The following SYNPR variants were observed in gnomAD, a reference collection of about 807,000 sequenced individuals.
SYNPR encodes synaptoporin.
In SYNPR, 23 loss-of-function variants were observed where a neutral mutation model predicts 32.9. The observed-to-expected ratio is 0.70, with a 90% CI of 0.50 to 0.99. The LOEUF is 0.99. Ranked by LOEUF, SYNPR falls within the 50% of genes least tolerant of loss-of-function variation. The probability of loss-of-function intolerance (pLI) is 0.00; values close to 1 mark genes in which losing one functional copy is unlikely to be tolerated. For missense variants in SYNPR, 318 were observed against 349.3 expected, an observed-to-expected ratio of 0.91 and a Z score of 0.71; for synonymous variants, 146 against 135.9, an observed-to-expected ratio of 1.07 and a Z score of -0.52.
chr3:63,390,357 T>C (rs149978424), intron 2 of SYNPR, among the ~76,000 whole-genome samples: 1 of 152,278 alleles, frequency 6.6e-6, no homozygotes, highest in Non-Finnish European at 1.5e-5. Flanking sequence ...GAGGAATGAA[T>C]GTGAAATTCA....
chr3:63,231,058 G>A (rs1374134999), intron 1 of SYNPR, among the ~76,000 whole-genome samples: 1 of 152,176 alleles, frequency 6.6e-6, no homozygotes, highest in Non-Finnish European at 1.5e-5. Flanking sequence ...CATGTTTGTA[G>A]CAGTACAATT....
chr3:63,555,481 C>A (rs912911822), intron 3 of SYNPR, among the ~76,000 whole-genome samples: 1 of 151,922 alleles, frequency 6.6e-6, no homozygotes, highest in Non-Finnish European at 1.5e-5. Flanking sequence ...CGACTTAGTT[C>A]CAGTTCACAC....
chr3:63,606,439 T>TTTTTTTTTTTTTTTTTTTTTC (rs1553651989), intron 4 of SYNPR, among the ~76,000 whole-genome samples: 1 of 145,934 alleles, frequency 6.9e-6, no homozygotes, highest in Non-Finnish European at 1.5e-5. Context: ...TTTTTTTTTT[T>TTTTTTTTTTTTTTTTTTTTTC]AGCAATGAGA....
At chr3:63,255,905 G>A (rs2086378056) in intron 2 of SYNPR, among the ~76,000 whole-genome samples, 1 of 152,226 alleles carries the variant, frequency 6.6e-6, no homozygotes, top group African/African-American at 2.4e-5. Flanking sequence ...TTAGCAAACG[G>A]CACACCAGGA....
chr3:63,592,798 C>G (rs994270860), intron 4 of SYNPR, among the ~76,000 whole-genome samples: 4 of 151,998 alleles, frequency 2.6e-5, no homozygotes, highest in African/African-American at 9.7e-5. Flanking sequence ...GTATTTTTAG[C>G]TATAATATGT....
chr3:63,358,605 T>C (rs1168703398), intron 2 of SYNPR, among the ~76,000 whole-genome samples: 3 of 144,468 alleles, frequency 2.1e-5, no homozygotes, highest in South Asian at 4.6e-4. Flanking sequence ...GCTATTATTC[T>C]ATATATCCTC....
intron 2 of SYNPR, among the ~76,000 whole-genome samples, chr3:63,365,548 T>A (rs1004327130): frequency 1.3e-5 from 2 of 152,178 alleles, no homozygotes; most frequent in Non-Finnish European, 2.9e-5. Context: ...GAAGAATTAC[T>A]GACAAGAATT....
chr3:63,614,247 T>C (rs1310550425), intron 5 of SYNPR, among the ~76,000 whole-genome samples: 1 of 152,208 alleles, frequency 6.6e-6, no homozygotes, highest in Non-Finnish European at 1.5e-5. Context: ...CTGTCTCCAT[T>C]AGGGGGCTGT....
intron 1 of SYNPR, among the ~76,000 whole-genome samples, chr3:63,238,797 C>G (rs2086216741): frequency 6.6e-6 from 1 of 151,978 alleles, no homozygotes; most frequent in African/African-American, 2.4e-5. Flanking sequence ...TTTCAGAGAG[C>G]TAGTAAGTGA....
intron 2 of SYNPR, among the ~76,000 whole-genome samples, chr3:63,408,325 AAAGAAAGAAAGAAAGAAAGAAAGAAAG>A (rs2088413035): frequency 7.9e-6 from 1 of 127,144 alleles, no homozygotes. Flanking sequence ...GGAAGGAAAG[AAAGAAAGAAAGAAAGAAAGAAAGAAAG>A]AAAGAAAGAA....
chr3:63,287,366 T>C (rs2086695363), intron 2 of SYNPR, among the ~76,000 whole-genome samples: 1 of 152,148 alleles, frequency 6.6e-6, no homozygotes, highest in Non-Finnish European at 1.5e-5. Context: ...TGAATTCTTC[T>C]TCTCCCTTCA....
chr3:63,333,610 G>C (rs1028471437), intron 2 of SYNPR, among the ~76,000 whole-genome samples: 5 of 151,964 alleles, frequency 3.3e-5, no homozygotes, highest in African/African-American at 9.7e-5. Flanking sequence ...AGAGATGGGA[G>C]TCTTCCTATG....
At chr3:63,473,455 A>G (rs1052855999) in intron 2 of SYNPR, among the ~76,000 whole-genome samples, 2 of 152,212 alleles carry the variant, frequency 1.3e-5, no homozygotes, top group Non-Finnish European at 2.9e-5. Context: ...CACCAACTTC[A>G]TGCCAAGCAC....
intron 2 of SYNPR, among the ~76,000 whole-genome samples, chr3:63,326,169 G>C (rs2087165533): frequency 6.6e-6 from 1 of 151,944 alleles, no homozygotes; most frequent in Non-Finnish European, 1.5e-5. Flanking sequence ...CCTCTTGGTA[G>C]CAGGAATGAT....
At chr3:63,257,930 TA>T (rs200322665) in intron 2 of SYNPR, among the ~76,000 whole-genome samples, 1 of 152,008 alleles carries the variant, frequency 6.6e-6, no homozygotes, top group African/African-American at 2.4e-5. Context: ...TAATCTCTGA[TA>T]AAAAACATAC....
chr3:63,384,253 C>G (rs1259586034), intron 2 of SYNPR, among the ~76,000 whole-genome samples: 1 of 152,206 alleles, frequency 6.6e-6, no homozygotes, highest in Non-Finnish European at 1.5e-5. Flanking sequence ...GGGCTTAAAT[C>G]TCTTATTTAT....
At chr3:63,329,776 C>T (rs188782248) in intron 2 of SYNPR, among the ~76,000 whole-genome samples, 6 of 152,088 alleles carry the variant, frequency 3.9e-5, no homozygotes, top group Admixed American at 1.3e-4. Context: ...GAGACTAATT[C>T]GAGGATGAGA....
intron 2 of SYNPR, among the ~76,000 whole-genome samples, chr3:63,471,209 A>C (rs933646441): frequency 3.3e-5 from 5 of 152,240 alleles, no homozygotes; most frequent in Non-Finnish European, 7.3e-5. Context: ...GATGGACCAC[A>C]TTGGGGCCAT....
intron 1 of SYNPR, among the ~76,000 whole-genome samples, chr3:63,238,752 T>C (rs1158766736): frequency 6.6e-6 from 1 of 152,132 alleles, no homozygotes; most frequent in African/African-American, 2.4e-5. Context: ...TTAATACAGA[T>C]CAAAGTGAAA....
Sources: gnomAD v4.1 joint callset for allele counts (sites outside exome capture counted in the v4.1 genomes callset) on GRCh38, gnomAD v4.1.1 for gene constraint, MANE v1.5 for transcripts, NCBI Gene and HGNC (gene_info 2026-07-23, HGNC 2026-07-21) for gene names.